DCAF8L2: variants seen among roughly 807,000 people sequenced by gnomAD.
DCAF8L2 encodes DDB1 and CUL4 associated factor 8 like 2.
For synonymous variants in DCAF8L2, 200 were observed against 190.9 expected (o/e 1.05, Z -0.39); for missense variants, 430 against 490.7 (o/e 0.88, Z 1.17).
the DCAF8L2 span, among the ~76,000 whole-genome samples, chrX:27,474,900 C>T: frequency 9.1e-5 from 10 of 110,427 alleles, no homozygotes; most frequent in Non-Finnish European, 1.7e-4. Flanking sequence ...GAAGTGAAGG[C>T]GGTAAAGGAG....
At chrX:27,493,671 A>C in the DCAF8L2 span, among the ~76,000 whole-genome samples, 1 of 101,609 alleles carries the variant, frequency 9.8e-6, no homozygotes, top group Non-Finnish European at 2.0e-5. Context: ...AGATCGCACC[A>C]CTGCACTCCA....
intron 2 of DCAF8L2, among the ~76,000 whole-genome samples, chrX:27,634,200 C>T (rs7883912): frequency 0.047 from 5,265 of 111,561 alleles, 301 homozygotes; most frequent in African/African-American, 0.16. Flanking sequence ...TGTCTCCCCA[C>T]CTCTGGTTTC....
intron 3 of DCAF8L2, among the ~76,000 whole-genome samples, chrX:27,698,066 T>C (rs914367519): frequency 1.3e-4 from 14 of 109,751 alleles, no homozygotes; most frequent in Non-Finnish European, 1.9e-4. Context: ...TTGTCATTTA[T>C]GCAGGATACA....
At chrX:27,694,910 T>C (rs1009391446) in intron 3 of DCAF8L2, among the ~76,000 whole-genome samples, 1 of 112,114 alleles carries the variant, frequency 8.9e-6, no homozygotes, top group Non-Finnish European at 1.9e-5. Flanking sequence ...CCTTGTATAA[T>C]AACACTCCAA....
the DCAF8L2 span, among the ~76,000 whole-genome samples, chrX:27,482,137 A>G: frequency 2.7e-5 from 3 of 111,636 alleles, no homozygotes; most frequent in Non-Finnish European, 3.8e-5. Context: ...GGAAATTTAA[A>G]TCGAGTTATG....
At chrX:27,730,067 G>C (rs925646928) in intron 4 of DCAF8L2, among the ~76,000 whole-genome samples, 1 of 111,607 alleles carries the variant, frequency 9.0e-6, no homozygotes, top group Non-Finnish European at 1.9e-5. Context: ...AAAACATTAA[G>C]GCACTTACTA....
intron 4 of DCAF8L2, among the ~76,000 whole-genome samples, chrX:27,730,319 C>G (rs760497172): frequency 4.5e-5 from 5 of 112,102 alleles, no homozygotes; most frequent in African/African-American, 1.6e-4. Context: ...ATGAGATCTA[C>G]CCTTAACAAA....
chrX:27,622,076 A>G (rs1927792312), intron 1 of DCAF8L2, among the ~76,000 whole-genome samples: 1 of 110,968 alleles, frequency 9.0e-6, no homozygotes, highest in Non-Finnish European at 1.9e-5. Flanking sequence ...TTATCTACCA[A>G]ATTTGAAGAC....
chrX:27,744,264 CAT>C (rs1275656329), intron 4 of DCAF8L2, among the ~76,000 whole-genome samples: 1 of 111,359 alleles, frequency 9.0e-6, no homozygotes, highest in African/African-American at 3.3e-5. Flanking sequence ...TGTTTACTGT[CAT>C]AGAGGGGAAA....
chrX:27,550,487 C>T, the DCAF8L2 span, among the ~76,000 whole-genome samples: 2 of 111,369 alleles, frequency 1.8e-5, no homozygotes, highest in Non-Finnish European at 3.8e-5. Flanking sequence ...TGAGCCACTA[C>T]ACCCAGCCTA....
At chrX:27,542,703 C>A in the DCAF8L2 span, among the ~76,000 whole-genome samples, 1 of 106,833 alleles carries the variant, frequency 9.4e-6, no homozygotes, top group Non-Finnish European at 1.9e-5. Context: ...CCACTACGCC[C>A]GGCTAATTTT....
the DCAF8L2 span, among the ~76,000 whole-genome samples, chrX:27,514,682 A>AAAAC: frequency 5.4e-3 from 332 of 61,586 alleles, 16 homozygotes; most frequent in East Asian, 8.4e-3. Context: ...AAAAAAAAAA[A>AAAAC]AAAAAAAAAA....
At chrX:27,719,405 GGTACTTTTGTTAA>G (rs1931810857) in intron 4 of DCAF8L2, among the ~76,000 whole-genome samples, 1 of 107,706 alleles carries the variant, frequency 9.3e-6, no homozygotes, top group African/African-American at 3.4e-5. Flanking sequence ...TATTTTAAGA[GGTACTTTTGTTAA>G]GTACCTCTTA....
chrX:27,616,742 C>G (rs1927498032), intron 1 of DCAF8L2, among the ~76,000 whole-genome samples: 1 of 111,245 alleles, frequency 9.0e-6, no homozygotes, highest in African/African-American at 3.3e-5. Flanking sequence ...GAGAGAGGCT[C>G]TTTGTCCATG....
At chrX:27,485,444 AAATT>A in the DCAF8L2 span, among the ~76,000 whole-genome samples, 6,666 of 111,150 alleles carry the variant, frequency 0.06, 497 homozygotes, top group African/African-American at 0.21. Context: ...GTTGATATAA[AAATT>A]AATTAGAGTT....
At position 27,748,317 on chromosome X, in the gene DCAF8L2, T is replaced by C. The variant is rs1922380722; in HGVS notation, c.1422T>C (p.Gly474=). 1 of 1,209,426 alleles carries C rather than the reference T, an allele frequency of 8.3e-7. No individual in the cohort carries two copies. The highest frequency in any genetic ancestry group is 1.1e-6 in the Non-Finnish European group (1 of 894,122). ...KGHRNNTTVK[G]VNFYGPRSEF... ...ACAGAAATAATACCACAGTCAAAGG[T>C]GTTAATTTCTATGGCCCCAGGAGTG... Residue 474 remains glycine, a synonymous_variant, in exon 5 of 5, where the codon GGT becomes GGC. Coordinates refer to ENST00000451261, the MANE Select transcript of DCAF8L2 (RefSeq NM_001353450.2).
upstream of DCAF8L2, among the ~76,000 whole-genome samples, chrX:27,587,862 A>G (rs993392961): frequency 1.8e-5 from 2 of 108,920 alleles, no homozygotes; most frequent in Non-Finnish European, 3.8e-5. Flanking sequence ...CCATTCATCC[A>G]GCATGTCCTT....
the DCAF8L2 span, among the ~76,000 whole-genome samples, chrX:27,540,537 T>C: frequency 9.0e-6 from 1 of 111,623 alleles, no homozygotes; most frequent in Non-Finnish European, 1.9e-5. Flanking sequence ...TAGAAGTAGA[T>C]AGTAGAATAG....
the DCAF8L2 span, among the ~76,000 whole-genome samples, chrX:27,490,494 C>T: frequency 9.1e-6 from 1 of 110,006 alleles, no homozygotes; most frequent in African/African-American, 3.3e-5. Flanking sequence ...CGGAGTCTCG[C>T]TCTGTCGCCC....
Sources: allele counts gnomAD v4.1 joint callset (sites outside exome capture counted in the v4.1 genomes callset), GRCh38; gene constraint gnomAD v4.1.1; transcripts MANE v1.5; gene names NCBI Gene and HGNC (gene_info 2026-07-23, HGNC 2026-07-21).